CNTNAP2: variants seen among roughly 807,000 people sequenced by gnomAD.
CNTNAP2 encodes contactin associated protein 2.
A neutral mutation model predicts 155.2 loss-of-function variants in CNTNAP2; 98 were observed. That is an observed-to-expected ratio of 0.63 (90% CI 0.54 to 0.75). The LOEUF (loss-of-function observed/expected upper bound fraction) is 0.75. Ranked by LOEUF, CNTNAP2 falls within the 30% of genes least tolerant of loss-of-function variation. The pLI, the probability that CNTNAP2 is intolerant of heterozygous loss-of-function variation, is 0.00. For missense variants in CNTNAP2, 1,727 were observed against 1,688.1 expected (o/e 1.02, Z -0.40); for synonymous variants, 651 against 631.2 (o/e 1.03, Z -0.47).
chr7:146,823,570 A>C (rs1394328123), intron 2 of CNTNAP2, among the ~76,000 whole-genome samples: 2 of 149,234 alleles, frequency 1.3e-5, no homozygotes, highest in Non-Finnish European at 3.0e-5. Context: ...TTTACATGGA[A>C]ATATACCATT....
intron 3 of CNTNAP2, among the ~76,000 whole-genome samples, chr7:146,924,082 G>A (rs765067456): frequency 1.3e-5 from 2 of 152,000 alleles, no homozygotes; most frequent in African/African-American, 2.4e-5. Flanking sequence ...TAGAACTTGA[G>A]CTGAATGAAT....
chr7:146,235,623 C>G (rs902638849), intron 1 of CNTNAP2, among the ~76,000 whole-genome samples: 1 of 152,066 alleles, frequency 6.6e-6, no homozygotes, highest in African/African-American at 2.4e-5. Context: ...TTCTTATACC[C>G]CTTTTCCCCA....
At chr7:147,125,771 G>A (rs750292087) in intron 6 of CNTNAP2, among the ~76,000 whole-genome samples, 38 of 152,208 alleles carry the variant, frequency 2.5e-4, no homozygotes, top group Non-Finnish European at 2.9e-5. Context: ...GAATCTAATC[G>A]CATTCTTTCC....
chr7:148,354,762 T>C (rs554902050), intron 21 of CNTNAP2, among the ~76,000 whole-genome samples: 1 of 152,256 alleles, frequency 6.6e-6, no homozygotes, highest in African/African-American at 2.4e-5. Context: ...TTTATGTTTC[T>C]TTCTTTCCAC....
chr7:147,651,556 C>T (rs1563039349), intron 13 of CNTNAP2, among the ~76,000 whole-genome samples: 1 of 152,136 alleles, frequency 6.6e-6, no homozygotes, highest in Non-Finnish European at 1.5e-5. Flanking sequence ...ACATATGCCT[C>T]TCTAGGTCAG....
intron 13 of CNTNAP2, among the ~76,000 whole-genome samples, chr7:147,762,737 G>A (rs1797322504): frequency 7.2e-6 from 1 of 139,424 alleles, no homozygotes; most frequent in African/African-American, 2.6e-5. Flanking sequence ...GGGAGGGAGG[G>A]AGGGAGGAAG....
chr7:148,115,839 G>A (rs1804457220), intron 15 of CNTNAP2, among the ~76,000 whole-genome samples: 1 of 151,442 alleles, frequency 6.6e-6, no homozygotes, highest in Admixed American at 6.6e-5. Context: ...TTTATACTTT[G>A]TTTAAAAAAA....
At chr7:146,396,673 T>C (rs1021159501) in intron 1 of CNTNAP2, among the ~76,000 whole-genome samples, 3 of 149,634 alleles carry the variant, frequency 2.0e-5, no homozygotes, top group African/African-American at 7.6e-5. Context: ...TATTCCTTTA[T>C]TGGGGTTCTG....
At chr7:147,160,004 G>T (rs1271408883) in intron 8 of CNTNAP2, among the ~76,000 whole-genome samples, 1 of 151,992 alleles carries the variant, frequency 6.6e-6, no homozygotes, top group African/African-American at 2.4e-5. Context: ...TGGTTACCTG[G>T]TTGAGAAAAT....
chr7:147,860,163 G>A (rs1799111112), intron 13 of CNTNAP2, among the ~76,000 whole-genome samples: 1 of 152,120 alleles, frequency 6.6e-6, no homozygotes, highest in South Asian at 2.1e-4. Context: ...AGTGGCTCAT[G>A]CCTGTAATCT....
chr7:146,412,274 G>A (rs527654669), intron 1 of CNTNAP2, among the ~76,000 whole-genome samples: 2 of 152,176 alleles, frequency 1.3e-5, no homozygotes, highest in Non-Finnish European at 2.9e-5. Flanking sequence ...CTTCACAGCC[G>A]CAATGCTCTT....
chr7:147,955,655 A>C (rs1379563180), intron 14 of CNTNAP2, among the ~76,000 whole-genome samples: 2 of 152,066 alleles, frequency 1.3e-5, no homozygotes, highest in Non-Finnish European at 2.9e-5. Flanking sequence ...TCAGAGGGCA[A>C]CTCACTGGCC....
chr7:146,764,474 A>G (rs1296096442), intron 1 of CNTNAP2, among the ~76,000 whole-genome samples: 1 of 128,556 alleles, frequency 7.8e-6, no homozygotes, highest in Non-Finnish European at 1.5e-5. Context: ...TGTGTTGTAG[A>G]GTTTTTTTTT....
intron 11 of CNTNAP2, among the ~76,000 whole-genome samples, 182 bp from the exon 12 acceptor site, chr7:147,561,956 C>G (rs983269907): frequency 6.6e-6 from 1 of 152,116 alleles, no homozygotes; most frequent in African/African-American, 2.4e-5. Context: ...TTTGGTAGGT[C>G]AGGAATGCTT....
intron 3 of CNTNAP2, among the ~76,000 whole-genome samples, chr7:146,865,146 G>A (rs544906897): frequency 6.6e-6 from 1 of 151,952 alleles, no homozygotes; most frequent in Non-Finnish European, 1.5e-5. Flanking sequence ...AATACTAACA[G>A]TTAATTATAA....
intron 10 of CNTNAP2, among the ~76,000 whole-genome samples, chr7:147,447,543 A>C (rs1331875496): frequency 6.6e-6 from 1 of 152,038 alleles, no homozygotes; most frequent in Non-Finnish European, 1.5e-5. Flanking sequence ...AGCCTCCCCA[A>C]GTAGCTAGGA....
chr7:148,253,767 C>T (rs927696984), intron 20 of CNTNAP2, among the ~76,000 whole-genome samples: 5 of 152,112 alleles, frequency 3.3e-5, no homozygotes, highest in South Asian at 2.1e-4. Flanking sequence ...TTCAGGGGCA[C>T]ACACAGCAGA....
At chr7:146,388,351 C>T (rs535922180) in intron 1 of CNTNAP2, among the ~76,000 whole-genome samples, 5 of 151,986 alleles carry the variant, frequency 3.3e-5, no homozygotes, top group Non-Finnish European at 7.4e-5. Context: ...GGGAGGATCA[C>T]CTGAGCCCGG....
chr7:147,713,091 C>T (rs573291482), intron 13 of CNTNAP2, among the ~76,000 whole-genome samples: 1 of 152,032 alleles, frequency 6.6e-6, no homozygotes, highest in Non-Finnish European at 1.5e-5. Context: ...GTATTTTAAT[C>T]TCATCTCCTA....
Sources: gnomAD v4.1 joint callset for allele counts (sites outside exome capture counted in the v4.1 genomes callset) on GRCh38, gnomAD v4.1.1 for gene constraint, MANE v1.5 for transcripts, NCBI Gene and HGNC (gene_info 2026-07-23, HGNC 2026-07-21) for gene names.